The following TBC1D16 variants were observed in gnomAD, a reference collection of about 807,000 sequenced individuals.
The protein encoded by TBC1D16 is TBC1 domain family member 16.
Under a neutral mutation model 74.7 loss-of-function variants are expected in TBC1D16, and 58 were observed. That is an observed-to-expected ratio of 0.78 (90% CI 0.63 to 0.97). TBC1D16 has a LOEUF of 0.97. TBC1D16 is among the 50% of genes least tolerant of loss of function. TBC1D16 has a pLI of 0.00. For missense variants in TBC1D16, 1,014 were observed against 1,079.5 expected (o/e 0.94, Z 0.85); for synonymous variants, 493 against 474.7 (o/e 1.04, Z -0.50).
At position 80,010,324 on chromosome 17, in the gene TBC1D16, C is replaced by G; in HGVS notation, c.615G>C (p.Glu205Asp). 1 of 1,611,092 alleles carries G rather than the reference C, an allele frequency of 6.2e-7. No individual in the cohort carries two copies. The highest frequency in any genetic ancestry group is 8.5e-7 in the Non-Finnish European group (1 of 1,178,822). The change falls in exon 3 of 12, where the codon GAG becomes GAC. Residue 205 changes from glutamate (E) to aspartate (D), a missense_variant. By Grantham distance (45) the Glu-to-Asp change is conservative. Coordinates refer to ENST00000310924, the MANE Select transcript of TBC1D16 (RefSeq NM_019020.4). The surrounding 1 kb of genome is among the most constrained non-coding windows in gnomAD (Gnocchi z 8.8). ...CCAAAGAGCCATCCTCCTCCCCGGC[C>G]TCGGGCCGCGGCTCCCGCCCCTCCT... ...VTEEGREPRP[E>D]AGEEDGSLEL... is the part of the protein sequence containing the mutation.
chr17:79,973,056 T>C (rs1014851482), intron 3 of TBC1D16, among the ~76,000 whole-genome samples: 1 of 152,194 alleles, frequency 6.6e-6, no homozygotes, highest in African/African-American at 2.4e-5. Context: ...CATTCCAGCC[T>C]GGGCAACAGA....
In TBC1D16 at chr17:79,987,826, G is replaced by A. The variant is rs72848410; in HGVS notation, c.779+22334C>T. Among the ~76,000 whole-genome samples, 4,486 of 146,970 alleles carry A rather than the reference G, an allele frequency of 0.031. 94 individuals are homozygous for A. Among genetic ancestry groups the A allele is most frequent in the Middle Eastern group, 0.059 (17 of 290 alleles). ...AAACAGCGGCTTACGGGCTGGTGAG[G>A]AATTTCCCATCCTGAAGCTTTTAAA... On this transcript the variant is annotated intron_variant, in intron 3 of 11. Transcript: ENST00000310924. This position sits in a 1 kb window ranked among gnomAD's most constrained non-coding sequence, Gnocchi z 5.2.
rs1281108766 is a variant in TBC1D16, at chr17:79,950,509, G to C, written c.1159C>G (p.His387Asp). 6.2e-7 allele frequency: 1 copy of C among 1,613,494 alleles called. No homozygotes were observed. The highest frequency in any genetic ancestry group is 1.7e-5 in the Admixed American group (1 of 59,966). The change falls in exon 6 of 12, where the codon CAC becomes GAC. Residue 387 changes from histidine (H) to aspartate (D), a missense_variant. Coordinates refer to ENST00000310924, the MANE Select transcript of TBC1D16 (RefSeq NM_019020.4). The surrounding 1 kb of genome is among the most constrained non-coding windows in gnomAD (Gnocchi z 4.6). ...RRPKLPSSET[H>D]PEESMYKRLG... ...CTCTTGTACATGCTCTCCTCGGGGT[G>C]CGTCTCGGAGGACGGCAGCTTGGGG... is the stretch of plus-strand genomic sequence containing the variant.
In TBC1D16 at chr17:79,950,079, C is replaced by G. The variant is rs1214225367; in HGVS notation, c.1258-214G>C. On this transcript the variant is annotated intron_variant, in intron 6 of 11. Transcript: ENST00000310924. This position sits in a 1 kb window ranked among gnomAD's most constrained non-coding sequence, Gnocchi z 4.6. The stretch of plus-strand genomic sequence containing the variant: ...AATGTCAATGCCCCCCCTGGGGTGG[C>G]GCTCAGATTAACGTGTCGTTCTCAC... Among the ~76,000 whole-genome samples, 1 of 152,206 alleles carries G rather than the reference C, an allele frequency of 6.6e-6. No homozygotes were observed. Among genetic ancestry groups the G allele is most frequent in the Non-Finnish European group, 1.5e-5 (1 of 68,026 alleles).
rs540313262 is a variant in TBC1D16 at position 79,961,272 on chromosome 17, A to G, written c.780-8454T>C. ...ACTCAGCATCCTCTGTAGTCAGGAA[A>G]ATGCAAATTAAAACCACAATGAGAT... On this transcript the variant is annotated intron_variant, in intron 3 of 11. Transcript: ENST00000310924. The surrounding 1 kb of genome is among the most constrained non-coding windows in gnomAD (Gnocchi z 4.8). Among the ~76,000 whole-genome samples, 68 of 152,330 alleles carry G rather than the reference A, an allele frequency of 4.5e-4. No individual in the cohort carries two copies. The highest frequency in any genetic ancestry group is 2.1e-3 in the South Asian group (10 of 4,822).
intron 1 of TBC1D16, among the ~76,000 whole-genome samples, chr17:80,023,233 T>C (rs2036345655): frequency 6.7e-6 from 1 of 150,014 alleles, no homozygotes. Context: ...AAATACGTTT[T>C]CAGAAATTCA....
At chr17:79,973,371 A>G (rs1456565471) in intron 3 of TBC1D16, among the ~76,000 whole-genome samples, 1 of 151,990 alleles carries the variant, frequency 6.6e-6, no homozygotes, top group Admixed American at 6.5e-5. Flanking sequence ...CCAGGAGTTC[A>G]AAACCAGCCT....
chr17:79,986,597 C>A lies in TBC1D16; in HGVS notation c.779+23563G>T, dbSNP rs1352588568. Among the ~76,000 whole-genome samples the A allele has an allele frequency of 1.3e-5, 2 of 152,182 alleles. No individual in the cohort carries two copies. Among genetic ancestry groups the A allele is most frequent in the Non-Finnish European group, 2.9e-5 (2 of 68,024 alleles). On this transcript the variant is annotated intron_variant, in intron 3 of 11. Transcript: ENST00000310924. This position sits in a 1 kb window ranked among gnomAD's most constrained non-coding sequence, Gnocchi z 6.0. ...CGAAGCCTGGCCTTTGAAGGATGAA[C>A]GGCAAGGGGTATGTCTGCCCTGACA...
intron 3 of TBC1D16, among the ~76,000 whole-genome samples, chr17:79,996,570 T>C (rs1191998168): frequency 1.3e-5 from 2 of 152,120 alleles, no homozygotes; most frequent in African/African-American, 2.4e-5. Context: ...TGCAACAGTT[T>C]AGCAATTGCT....
intron 3 of TBC1D16, among the ~76,000 whole-genome samples, chr17:79,978,047 C>T (rs937518887): frequency 6.6e-6 from 1 of 152,206 alleles, no homozygotes; most frequent in Admixed American, 6.5e-5. Context: ...AAGTGATGGG[C>T]GCACAGCCGG....
At chr17:80,016,063 T>G (rs2036080627) in intron 1 of TBC1D16, among the ~76,000 whole-genome samples, 1 of 148,848 alleles carries the variant, frequency 6.7e-6, no homozygotes, top group South Asian at 2.1e-4. Flanking sequence ...AAACCAAATG[T>G]AGTATAATGG....
Position 79,950,938 on chromosome 17 carries a change from G to C in TBC1D16, c.1090-360C>G. On this transcript the variant is annotated intron_variant, in intron 5 of 11. Transcript: ENST00000310924. The surrounding 1 kb of genome is among the most constrained non-coding windows in gnomAD (Gnocchi z 4.6). The stretch of plus-strand genomic sequence containing the variant: ...ATTGGCCACATACAAAGGGATCGCT[G>C]TTCTGCGAGCAGGGAGCCAGCCTGT... The C allele has an allele frequency of 7.9e-7, 1 of 1,261,278 alleles. No homozygotes were observed. Among genetic ancestry groups the C allele is most frequent in the Non-Finnish European group, 1.1e-6 (1 of 940,520 alleles). The allele number at this position is 1,261,278 out of a possible 1,614,324, so 78.1% of individuals were successfully genotyped here.
intron 3 of TBC1D16, among the ~76,000 whole-genome samples, chr17:80,003,559 T>C (rs547730321): frequency 2.4e-4 from 36 of 152,264 alleles, no homozygotes; most frequent in African/African-American, 8.4e-4. Context: ...AATGTGCAGG[T>C]TCTCCCCTTC....
chr17:79,957,569 G>A (rs888525901), intron 3 of TBC1D16, among the ~76,000 whole-genome samples: 9 of 152,196 alleles, frequency 5.9e-5, no homozygotes, highest in African/African-American at 1.9e-4. Context: ...GGTGAAGCAC[G>A]GAGAACTTTT....
chr17:79,995,876 C>G (rs544954062), intron 3 of TBC1D16, among the ~76,000 whole-genome samples: 1 of 152,228 alleles, frequency 6.6e-6, no homozygotes, highest in African/African-American at 2.4e-5. Context: ...ATAAAAGGCA[C>G]AACTCATAAC....
intron 1 of TBC1D16, among the ~76,000 whole-genome samples, chr17:80,018,914 T>C (rs2036191414): frequency 6.7e-6 from 1 of 150,232 alleles, no homozygotes; most frequent in South Asian, 2.1e-4. Flanking sequence ...TTTATGTCCT[T>C]AAAGTCTCCA....
rs1199247380 is a variant in TBC1D16, at chr17:79,988,873, C to G, written c.779+21287G>C. ...GCCTGGTCCCGTCTTCTGGGCTCTG[C>G]TGGGCTGGACGGTGCCACCCTCCCC... On this transcript the variant is annotated intron_variant, in intron 3 of 11. Coordinates refer to ENST00000310924, the MANE Select transcript of TBC1D16 (RefSeq NM_019020.4). This position sits in a 1 kb window ranked among gnomAD's most constrained non-coding sequence, Gnocchi z 5.7. Among the ~76,000 whole-genome samples, 1 of 152,206 alleles carries G rather than the reference C, an allele frequency of 6.6e-6. No homozygotes were observed. Among genetic ancestry groups the G allele is most frequent in the African/African-American group, 2.4e-5 (1 of 41,444 alleles).
At chr17:79,960,484 G>A (rs2033542637) in intron 3 of TBC1D16, among the ~76,000 whole-genome samples, 1 of 152,146 alleles carries the variant, frequency 6.6e-6, no homozygotes, top group African/African-American at 2.4e-5. Context: ...CCACGAGCAA[G>A]GCAGTTCAAG....
At position 79,956,800 on chromosome 17, in the gene TBC1D16, T is replaced by C. The variant is rs1213574199; in HGVS notation, c.780-3982A>G. Among the ~76,000 whole-genome samples the C allele has an allele frequency of 6.6e-6, 1 of 152,188 alleles. No individual in the cohort carries two copies. Among genetic ancestry groups the C allele is most frequent in the African/African-American group, 2.4e-5 (1 of 41,450 alleles). ...TTTTAAGTTTGCTGAAAAAAGTCGA[T>C]GAGAACCCAGCTGTAGGTCCCAAGC... On this transcript the variant is annotated intron_variant, in intron 3 of 11. Coordinates refer to ENST00000310924, the MANE Select transcript of TBC1D16 (RefSeq NM_019020.4). This position sits in a 1 kb window ranked among gnomAD's most constrained non-coding sequence, Gnocchi z 4.0.
Sources: gnomAD v4.1 joint callset for allele counts (sites outside exome capture counted in the v4.1 genomes callset) on GRCh38, gnomAD v4.1.1 for gene constraint, Gnocchi (gnomAD v3.1) non-coding constraint, MANE v1.5 for transcripts, NCBI Gene and HGNC (gene_info 2026-07-23, HGNC 2026-07-21) for gene names.